LRRC4C: variants seen among roughly 807,000 people sequenced by gnomAD.
LRRC4C encodes leucine-rich repeat-containing protein 4C.
Under a neutral mutation model 33.6 loss-of-function variants are expected in LRRC4C, and 5 were observed. That is an observed-to-expected ratio of 0.15 (90% confidence interval 0.08 to 0.31). LRRC4C has a LOEUF of 0.31. Ranked by LOEUF, LRRC4C falls within the 10% of genes least tolerant of loss-of-function variation. The pLI is 1.00. For synonymous variants in LRRC4C, 329 were observed against 302.0 expected (o/e 1.09, Z -0.93); for missense variants, 560 against 796.7 (o/e 0.70, Z 3.58).
At chr11:41,297,819 A>T (rs10837627) in intron 1 of LRRC4C, among the ~76,000 whole-genome samples, 26,487 of 152,162 alleles carry the variant, frequency 0.17, 2,898 homozygotes, top group East Asian at 0.43. Flanking sequence ...TAGATAGATC[A>T]GGAAGCATAT....
intron 4 of LRRC4C, among the ~76,000 whole-genome samples, chr11:40,265,144 C>T (rs907366476): frequency 6.6e-6 from 1 of 152,168 alleles, no homozygotes; most frequent in East Asian, 1.9e-4. Flanking sequence ...TCCCATAGCA[C>T]CTTGTAAAAA....
chr11:40,919,389 T>C (rs2136344550), intron 2 of LRRC4C, among the ~76,000 whole-genome samples: 1 of 152,306 alleles, frequency 6.6e-6, no homozygotes, highest in African/African-American at 2.4e-5. Context: ...TGTAGAGTTA[T>C]TGAAAGGATT....
intron 2 of LRRC4C, among the ~76,000 whole-genome samples, chr11:40,746,736 T>A (rs1948446953): frequency 6.6e-6 from 1 of 152,048 alleles, no homozygotes; most frequent in Non-Finnish European, 1.5e-5. Flanking sequence ...ATCACCATGG[T>A]CCCCTGAGCA....
chr11:40,955,830 A>C (rs1272672668), intron 1 of LRRC4C, among the ~76,000 whole-genome samples: 4 of 151,856 alleles, frequency 2.6e-5, no homozygotes, highest in Non-Finnish European at 2.9e-5. Context: ...TCCCTTACAA[A>C]ATGTTGATGA....
In LRRC4C at chr11:41,398,029, C is replaced by T. The variant is rs531107043; in HGVS notation, c.-496+61402G>A. ...TGCCTCATCTTTCATACTTCATAAC[C>T]ATATTACGTTTAATGGGGATGCACT... On this transcript the variant is annotated intron_variant, in intron 1 of 6. Coordinates refer to ENST00000528697, the MANE Select transcript of LRRC4C (RefSeq NM_001258419.2). Among the ~76,000 whole-genome samples the T allele has an allele frequency of 3.9e-5, 6 of 152,038 alleles. No homozygotes were observed. The South Asian group carries it at 1.2e-3, about 32-fold the overall frequency.
chr11:40,201,727 C>G (rs929554594), intron 5 of LRRC4C, among the ~76,000 whole-genome samples: 5 of 152,164 alleles, frequency 3.3e-5, no homozygotes, highest in Middle Eastern at 3.2e-3. Flanking sequence ...AGAGGGAAAT[C>G]CATTCTAGAG....
chr11:40,487,146 A>T (rs1381630852), intron 3 of LRRC4C, among the ~76,000 whole-genome samples: 1 of 152,078 alleles, frequency 6.6e-6, no homozygotes, highest in Non-Finnish European at 1.5e-5. Context: ...TGACATGCGA[A>T]GTTGGAAGAT....
At chr11:40,125,248 G>T (rs1856127729) in intron 6 of LRRC4C, among the ~76,000 whole-genome samples, 1 of 152,076 alleles carries the variant, frequency 6.6e-6, no homozygotes, top group Non-Finnish European at 1.5e-5. Context: ...ACATGGGGAA[G>T]AAATAATTCT....
intron 2 of LRRC4C, among the ~76,000 whole-genome samples, chr11:40,915,464 A>G (rs1052091717): frequency 6.6e-6 from 1 of 152,228 alleles, no homozygotes; most frequent in Non-Finnish European, 1.5e-5. Flanking sequence ...CCTATTTAAT[A>G]AATGGTGCTG....
intron 5 of LRRC4C, among the ~76,000 whole-genome samples, chr11:40,192,450 G>A (rs1040875212): frequency 7.2e-5 from 11 of 152,298 alleles, no homozygotes; most frequent in African/African-American, 1.7e-4. Context: ...CACGGTCTTC[G>A]CAATCTGCAG....
chr11:40,954,235 C>T (rs1001140603), intron 1 of LRRC4C, among the ~76,000 whole-genome samples: 13 of 151,844 alleles, frequency 8.6e-5, no homozygotes, highest in African/African-American at 3.1e-4. Flanking sequence ...CTTTATAACA[C>T]AAGAAACAAG....
chr11:41,133,100 C>T (rs910374070), intron 1 of LRRC4C, among the ~76,000 whole-genome samples: 3 of 152,100 alleles, frequency 2.0e-5, no homozygotes, highest in African/African-American at 4.8e-5. Flanking sequence ...CTGGCAGAGT[C>T]TCTGGGAGAT....
In LRRC4C at chr11:41,387,345, G is replaced by A. The variant is rs566863531; in HGVS notation, c.-496+72086C>T. 1.3e-3 allele frequency among the ~76,000 whole-genome samples: 193 copies of A among 151,770 alleles called. 1 individual carries two copies. Among genetic ancestry groups the A allele is most frequent in the African/African-American group, 4.5e-3 (185 of 41,456 alleles). On this transcript the variant is annotated intron_variant, in intron 1 of 6. Transcript: ENST00000528697. ...GAGACAGACAGGTGATAAGAAGTGA[G>A]GAACACCTGACTGAATCAGTGTCAG...
At chr11:40,582,228 G>A (rs993439205) in intron 3 of LRRC4C, among the ~76,000 whole-genome samples, 2 of 151,994 alleles carry the variant, frequency 1.3e-5, no homozygotes, top group Non-Finnish European at 2.9e-5. Context: ...TTAAAATTTT[G>A]TTCCACTTTC....
intron 1 of LRRC4C, among the ~76,000 whole-genome samples, chr11:41,244,436 G>A (rs931680956): frequency 6.6e-6 from 1 of 152,156 alleles, no homozygotes; most frequent in Non-Finnish European, 1.5e-5. Flanking sequence ...AACAATTTCG[G>A]ATAAAGTCAA....
intron 1 of LRRC4C, among the ~76,000 whole-genome samples, chr11:41,130,851 T>A (rs1051112994): frequency 3.3e-5 from 5 of 152,034 alleles, no homozygotes; most frequent in Admixed American, 2.0e-4. Context: ...TATAATTGTC[T>A]CTCCTCCAAC....
rs537091446 is a variant in LRRC4C, at chr11:41,086,677, C to T, written c.-495-152954G>A. ...TTACAGGCATGGTGACTTTGTGGTT[C>T]AGGATCTATTTTTAAGATGAGCAAA... On this transcript the variant is annotated intron_variant, in intron 1 of 6. Transcript: ENST00000528697. 2.0e-5 allele frequency among the ~76,000 whole-genome samples: 3 copies of T among 152,120 alleles called. No individual in the cohort carries two copies. In the South Asian group the frequency reaches 6.2e-4, roughly 32 times the overall value.
chr11:41,108,203 C>G (rs1241078604), intron 1 of LRRC4C, among the ~76,000 whole-genome samples: 1 of 152,062 alleles, frequency 6.6e-6, no homozygotes, highest in Non-Finnish European at 1.5e-5. Flanking sequence ...CCTTCCCCTA[C>G]CCTTAGCCTT....
At chr11:40,767,293 T>C (rs1436010989) in intron 2 of LRRC4C, among the ~76,000 whole-genome samples, 2 of 152,116 alleles carry the variant, frequency 1.3e-5, no homozygotes, top group African/African-American at 2.4e-5. Context: ...TAAATGTATA[T>C]GCCTCCAACA....
Sources: gnomAD v4.1 joint callset for allele counts (sites outside exome capture counted in the v4.1 genomes callset) on GRCh38, gnomAD v4.1.1 for gene constraint, MANE v1.5 for transcripts, NCBI Gene and HGNC (gene_info 2026-07-23, HGNC 2026-07-21) for gene names.